The following NCALD variants were observed in gnomAD, a reference collection of about 807,000 sequenced individuals.
The protein encoded by NCALD is neurocalcin-delta.
A neutral mutation model predicts 18.6 loss-of-function variants in NCALD; 10 were observed. That is an observed-to-expected ratio of 0.54 (90% CI 0.33 to 0.91). The LOEUF (loss-of-function observed/expected upper bound fraction) is 0.91. Ranked by LOEUF, NCALD falls within the 40% of genes least tolerant of loss-of-function variation. The pLI is 0.03. For missense variants in NCALD, 184 were observed against 247.6 expected, an observed-to-expected ratio of 0.74 and a Z score of 1.72; for synonymous variants, 88 against 87.4, an observed-to-expected ratio of 1.01 and a Z score of -0.04.
chr8:101,729,816 G>T (rs1816735993), intron 1 of NCALD, among the ~76,000 whole-genome samples: 2 of 152,126 alleles, frequency 1.3e-5, no homozygotes, highest in Admixed American at 1.3e-4. Flanking sequence ...TGGCCTGGGG[G>T]TTTTTCCAAG....
chr8:102,005,370 G>A (rs1821661124), intron 2 of NCALD, among the ~76,000 whole-genome samples: 1 of 152,156 alleles, frequency 6.6e-6, no homozygotes, highest in Admixed American at 6.5e-5. Flanking sequence ...TCAAAAGTCA[G>A]GAAACAACAG....
chr8:101,920,840 A>G (rs1818138647), intron 2 of NCALD, among the ~76,000 whole-genome samples: 1 of 152,228 alleles, frequency 6.6e-6, no homozygotes, highest in Admixed American at 6.5e-5. Context: ...GCAATATACC[A>G]GGTAACAGAC....
At chr8:101,728,950 C>G (rs1189714159) in intron 1 of NCALD, among the ~76,000 whole-genome samples, 1 of 152,208 alleles carries the variant, frequency 6.6e-6, no homozygotes, top group African/African-American at 2.4e-5. Context: ...TGTGGAGACA[C>G]AACTTAAAAA....
intron 2 of NCALD, among the ~76,000 whole-genome samples, chr8:101,942,888 C>G (rs1306191418): frequency 1.3e-5 from 2 of 152,116 alleles, no homozygotes; most frequent in Non-Finnish European, 2.9e-5. Context: ...CAATTACCAT[C>G]TCATATTTAA....
At position 101,774,809 on chromosome 8, in the gene NCALD, C is replaced by T. The variant is rs148013530; in HGVS notation, c.-20+16053G>A. ...CCTTGTTTGCATAAGAACCATTTAA[C>T]AATGGCTCTCTCTATCTACTATAAG... On this transcript the variant is annotated intron_variant, in intron 1 of 3. Coordinates refer to ENST00000220931, the MANE Select transcript of NCALD (RefSeq NM_032041.3). Among the ~76,000 whole-genome samples the T allele has an allele frequency of 2.4e-3, 368 of 152,328 alleles. 4 individuals carry two copies. Among genetic ancestry groups the T allele is most frequent in the African/African-American group, 8.3e-3 (347 of 41,578 alleles).
chr8:102,120,775 G>T (rs1380915417), intron 1 of NCALD, among the ~76,000 whole-genome samples: 1 of 152,136 alleles, frequency 6.6e-6, no homozygotes. Context: ...TGTTAAATGA[G>T]GTATTCCATG....
In NCALD at chr8:101,778,827, A is replaced by AT. The variant is rs1811898609; in HGVS notation, c.-20+12034dup. 2.6e-5 allele frequency among the ~76,000 whole-genome samples: 4 copies of AT among 152,262 alleles called. No homozygotes were observed. In the South Asian group the frequency reaches 6.2e-4, roughly 24 times the overall value. On this transcript the variant is annotated intron_variant, in intron 1 of 3. Transcript: ENST00000220931. ...CACTTCAAATAAATCATAGAAGAAT[A>AT]TTTTTCTGGGCTGAATAAACCTTGA...
intron 2 of NCALD, among the ~76,000 whole-genome samples, chr8:102,011,921 T>C (rs542263097): frequency 6.6e-6 from 1 of 152,302 alleles, no homozygotes; most frequent in African/African-American, 2.4e-5. Context: ...GTCCTATTTG[T>C]ATCTCTCCCA....
At chr8:101,750,663 T>C (rs1810616524) in intron 1 of NCALD, 1 of 152,200 alleles carries the variant, frequency 6.6e-6, no homozygotes, top group African/African-American at 2.4e-5. Context: ...ACTTTCATTC[T>C]CCTTTTAAAA....
chr8:101,736,544 G>A (rs1809922658), intron 1 of NCALD, among the ~76,000 whole-genome samples: 2 of 152,200 alleles, frequency 1.3e-5, no homozygotes, highest in Admixed American at 1.3e-4. Context: ...GGCTCAGAGT[G>A]TTGTCTTAAG....
In NCALD at chr8:101,699,461, T is replaced by C. The variant is rs144650624; in HGVS notation, c.379-6565A>G. 6.0e-3 allele frequency among the ~76,000 whole-genome samples: 908 copies of C among 152,306 alleles called. 24 individuals are homozygous for C. The highest frequency in any genetic ancestry group is 0.054 in the East Asian group (282 of 5,182). ...ATTCTACTATAAAGACACATGCACATGTATGTTTATTGCAGTACTATCTAC... is the reference window on the plus strand; with the variant it reads ...ATTCTACTATAAAGACACATGCACACGTATGTTTATTGCAGTACTATCTAC... On this transcript the variant is annotated intron_variant, in intron 2 of 3. Coordinates refer to ENST00000220931, the MANE Select transcript of NCALD (RefSeq NM_032041.3).
intron 1 of NCALD, among the ~76,000 whole-genome samples, chr8:102,078,177 A>T (rs1485832028): frequency 6.6e-6 from 1 of 151,892 alleles, no homozygotes; most frequent in African/African-American, 2.4e-5. Flanking sequence ...CATCAACCTC[A>T]ATTTATCTCT....
chr8:102,057,843 T>A (rs1186328598), intron 1 of NCALD, among the ~76,000 whole-genome samples: 1 of 152,236 alleles, frequency 6.6e-6, no homozygotes, highest in Non-Finnish European at 1.5e-5. Context: ...AAGGTACTTT[T>A]GAGGCATGAA....
intron 3 of NCALD, among the ~76,000 whole-genome samples, chr8:101,893,156 G>A (rs1015127790): frequency 1.2e-4 from 18 of 151,876 alleles, no homozygotes; most frequent in Non-Finnish European, 2.5e-4. Flanking sequence ...CAGACTAACA[G>A]CGGATCTCTC....
At chr8:101,972,487 A>T (rs188400963) in intron 2 of NCALD, among the ~76,000 whole-genome samples, 1 of 152,320 alleles carries the variant, frequency 6.6e-6, no homozygotes, top group Non-Finnish European at 1.5e-5. Context: ...GATGAGAATA[A>T]CATGGCTCAG....
chr8:101,859,213 G>A lies in NCALD; in HGVS notation c.-20+27928C>T, dbSNP rs150347113. On this transcript the variant is annotated intron_variant, in intron 4 of 6. Transcript: ENST00000311028. The stretch of plus-strand genomic sequence containing the variant: ...CCCGTGCCAGATGCTTCCTGCCCTC[G>A]AACATCAGACTTCAAGTTGTTCAGC... Among the ~76,000 whole-genome samples the A allele has an allele frequency of 2.5e-3, 378 of 152,216 alleles. 1 individual carries two copies. The highest frequency in any genetic ancestry group is 4.6e-3 in the Admixed American group (71 of 15,288).
At chr8:101,832,657 T>G (rs1018545202) in intron 4 of NCALD, among the ~76,000 whole-genome samples, 5 of 152,238 alleles carry the variant, frequency 3.3e-5, no homozygotes, top group African/African-American at 1.2e-4. Context: ...ATTTATTTTT[T>G]TAAGCAAACA....
intron 1 of NCALD, among the ~76,000 whole-genome samples, chr8:102,033,560 A>G (rs1822757019): frequency 6.6e-6 from 1 of 152,208 alleles, no homozygotes; most frequent in African/African-American, 2.4e-5. Flanking sequence ...CAGCAGCAGA[A>G]ACAAGAATGG....
chr8:101,811,851 T>G (rs1343287212), intron 4 of NCALD, among the ~76,000 whole-genome samples: 1 of 152,168 alleles, frequency 6.6e-6, no homozygotes, highest in Non-Finnish European at 1.5e-5. Context: ...GAATTTCTAT[T>G]TACAAAAGGA....
Sources: gnomAD v4.1 joint callset for allele counts (sites outside exome capture counted in the v4.1 genomes callset) on GRCh38, gnomAD v4.1.1 for gene constraint, MANE v1.5 for transcripts, NCBI Gene and HGNC (gene_info 2026-07-23, HGNC 2026-07-21) for gene names.